The following CHCHD6 variants were observed in gnomAD, a reference collection of about 807,000 sequenced individuals.
CHCHD6 encodes the protein MICOS complex subunit MIC25.
CHCHD6 carries 28 observed loss-of-function variants against 32.3 expected under a neutral mutation model. The ratio of observed to expected loss-of-function variants is 0.87; its 90% CI spans 0.64 to 1.19. CHCHD6 has a LOEUF of 1.19. CHCHD6 is among the 50% of genes most tolerant of loss of function. The probability of loss-of-function intolerance (pLI) is 0.00; values close to 1 mark genes in which losing one functional copy is unlikely to be tolerated. For missense variants in CHCHD6, 333 were observed against 307.0 expected, an observed-to-expected ratio of 1.08 and a Z score of -0.63; for synonymous variants, 122 against 117.5, an observed-to-expected ratio of 1.04 and a Z score of -0.25.
intron 6 of CHCHD6, among the ~76,000 whole-genome samples, chr3:126,916,026 A>G (rs1207303219): frequency 6.6e-6 from 1 of 151,766 alleles, no homozygotes; most frequent in Non-Finnish European, 1.5e-5. Flanking sequence ...ATTCTTGAAC[A>G]CTAAACACCT....
At chr3:126,945,572 A>T (rs1483080089) in intron 6 of CHCHD6, among the ~76,000 whole-genome samples, 1 of 96,922 alleles carries the variant, frequency 1.0e-5, no homozygotes, top group East Asian at 3.3e-4. Flanking sequence ...TGTAGGGGAG[A>T]CTCGGTGTGG....
intron 5 of CHCHD6, among the ~76,000 whole-genome samples, chr3:126,872,370 A>AT (rs1043203606): frequency 3.3e-5 from 5 of 151,138 alleles, no homozygotes; most frequent in Non-Finnish European, 5.9e-5. Flanking sequence ...ACTCTGCTCT[A>AT]TTTTTTTTTA....
intron 4 of CHCHD6, among the ~76,000 whole-genome samples, chr3:126,819,737 TG>T (rs1940071062): frequency 6.6e-6 from 1 of 152,216 alleles, no homozygotes; most frequent in African/African-American, 2.4e-5. Flanking sequence ...CATTTGCTTT[TG>T]ATGGTATGCA....
At chr3:126,760,320 T>C (rs534576944) in intron 4 of CHCHD6, among the ~76,000 whole-genome samples, 2 of 152,364 alleles carry the variant, frequency 1.3e-5, no homozygotes, top group South Asian at 4.1e-4. Context: ...GTTTTTTCAG[T>C]TCTTCTATTG....
At chr3:126,947,190 G>A (rs1277588569) in intron 6 of CHCHD6, among the ~76,000 whole-genome samples, 2 of 152,246 alleles carry the variant, frequency 1.3e-5, no homozygotes, top group Admixed American at 6.5e-5. Context: ...TGCCACCCAT[G>A]CTTCTGCCAG....
chr3:126,772,275 G>A (rs912229152), intron 4 of CHCHD6, among the ~76,000 whole-genome samples: 2 of 152,058 alleles, frequency 1.3e-5, no homozygotes, highest in African/African-American at 4.8e-5. Context: ...CTGATTTTTT[G>A]TATTTTTAGT....
chr3:126,819,338 G>T (rs907224977), intron 4 of CHCHD6, among the ~76,000 whole-genome samples: 1 of 152,134 alleles, frequency 6.6e-6, no homozygotes, highest in African/African-American at 2.4e-5. Context: ...GACCTTCCTT[G>T]CCCACTGTCT....
intron 5 of CHCHD6, among the ~76,000 whole-genome samples, chr3:126,906,917 G>T (rs1229207264): frequency 6.6e-6 from 1 of 152,206 alleles, no homozygotes; most frequent in Non-Finnish European, 1.5e-5. Flanking sequence ...CACAGCAGAC[G>T]CTGGAACAAA....
At chr3:126,780,491 T>C (rs2107680835) in intron 4 of CHCHD6, 1 of 228,832 alleles carries the variant, frequency 4.4e-6, no homozygotes, top group South Asian at 5.2e-5. Context: ...ATATACAAAA[T>C]AGTATTTTCT....
chr3:126,955,242 A>T (rs72982834), intron 6 of CHCHD6, among the ~76,000 whole-genome samples: 4,537 of 152,366 alleles, frequency 0.03, 152 homozygotes, highest in East Asian at 0.15. Flanking sequence ...CAGACACCCC[A>T]GCTGTATTCT....
intron 4 of CHCHD6, among the ~76,000 whole-genome samples, chr3:126,834,077 A>AAAAAAAT: frequency 6.6e-6 from 1 of 151,182 alleles, no homozygotes; most frequent in African/African-American, 2.4e-5. Context: ...AAAAAAAAAA[A>AAAAAAAT]AGAATTACCA....
chr3:126,714,510 T>A (rs1002993007), intron 1 of CHCHD6, among the ~76,000 whole-genome samples: 1 of 152,258 alleles, frequency 6.6e-6, no homozygotes, highest in Middle Eastern at 3.4e-3. Flanking sequence ...GGGGGTGATC[T>A]TCTTCGGATC....
chr3:126,941,140 C>T (rs958888029), intron 6 of CHCHD6, among the ~76,000 whole-genome samples: 3 of 152,180 alleles, frequency 2.0e-5, no homozygotes, highest in East Asian at 3.8e-4. Flanking sequence ...AGGACAAGTA[C>T]TTCTATGATT....
intron 4 of CHCHD6, among the ~76,000 whole-genome samples, chr3:126,746,601 G>T (rs1287042692): frequency 6.6e-6 from 1 of 152,154 alleles, no homozygotes; most frequent in African/African-American, 2.4e-5. Flanking sequence ...CTAGCTGACT[G>T]GTTGGACATG....
At chr3:126,844,979 C>A (rs998683890) in intron 4 of CHCHD6, among the ~76,000 whole-genome samples, 2 of 152,160 alleles carry the variant, frequency 1.3e-5, no homozygotes, top group Non-Finnish European at 2.9e-5. Flanking sequence ...TTCTCTAGAA[C>A]CCCCCTGATA....
intron 1 of CHCHD6, among the ~76,000 whole-genome samples, chr3:126,717,201 G>T (rs1576331184): frequency 6.6e-6 from 1 of 152,266 alleles, no homozygotes; most frequent in East Asian, 1.9e-4. Context: ...GCATTGTGAG[G>T]ATTAGTGAGG....
intron 4 of CHCHD6, among the ~76,000 whole-genome samples, chr3:126,812,046 A>G (rs895710438): frequency 2.0e-5 from 3 of 152,062 alleles, no homozygotes; most frequent in Admixed American, 1.3e-4. Flanking sequence ...AGAAGAGGAA[A>G]AACTCAGGCC....
intron 5 of CHCHD6, chr3:126,865,635 C>T (rs1354035816): frequency 1.0e-6 from 1 of 985,176 alleles, no homozygotes; most frequent in Non-Finnish European, 1.2e-6. Flanking sequence ...TGCTGCTGCC[C>T]CCTCTCCCAC....
intron 6 of CHCHD6, among the ~76,000 whole-genome samples, chr3:126,940,199 A>T (rs2078539025): frequency 6.6e-6 from 1 of 152,238 alleles, no homozygotes; most frequent in African/African-American, 2.4e-5. Context: ...GCAAAGTTTT[A>T]AAAAATCCAG....
Sources: gnomAD v4.1 joint callset for allele counts (sites outside exome capture counted in the v4.1 genomes callset) on GRCh38, gnomAD v4.1.1 for gene constraint, MANE v1.5 for transcripts, NCBI Gene and HGNC (gene_info 2026-07-23, HGNC 2026-07-21) for gene names.